The following C21orf58 variants were observed in gnomAD, a reference collection of about 807,000 sequenced individuals.
C21orf58 encodes chromosome 21 open reading frame 58.
Under a neutral mutation model 35.8 loss-of-function variants are expected in C21orf58, and 34 were observed. That is an observed-to-expected ratio of 0.95 (90% CI 0.72 to 1.26). The LOEUF is 1.26. Among genes scored for constraint, C21orf58 ranks in the 50% most tolerant of loss-of-function variants. The pLI is 0.00. For missense variants in C21orf58, 440 were observed against 414.3 expected (o/e 1.06, Z -0.54); for synonymous variants, 191 against 175.8 (o/e 1.09, Z -0.68).
chr21:46,315,553 G>A lies in C21orf58; in HGVS notation c.371-6C>T. On this transcript the variant is annotated splice_polypyrimidine_tract_variant and splice_region_variant and intron_variant, in intron 3 of 7. Coordinates refer to ENST00000291691, the MANE Select transcript of C21orf58 (RefSeq NM_058180.5). ...GTCCGGCCGGTCCTCATTTCCTGGA[G>A]GGAAGAACCTGCTTGCTTACCAAGG... 3.8e-6 allele frequency: 6 copies of A among 1,598,666 alleles called. No homozygotes were observed. In the East Asian group the frequency reaches 8.9e-5, roughly 24 times the overall value.
At chr21:46,305,098 C>T (rs2082351725) in intron 6 of C21orf58, among the ~76,000 whole-genome samples, 1 of 152,108 alleles carries the variant, frequency 6.6e-6, no homozygotes, top group Non-Finnish European at 1.5e-5. Context: ...CGGCTCCATT[C>T]ATCTGACACA....
At position 46,323,016 on chromosome 21, in the gene C21orf58, C is replaced by G. The variant is rs1266422621; in HGVS notation, c.-278G>C. The G allele has an allele frequency of 3.4e-6, 1 of 292,882 alleles. No individual in the cohort carries two copies. Among genetic ancestry groups the G allele is most frequent in the African/African-American group, 2.2e-5 (1 of 46,064 alleles). The allele number at this position is 292,882 out of a possible 1,614,324, so 18.1% of individuals were successfully genotyped here. ...GAAACCCAGAAACCAGACTTGGACA[C>G]ATGAAATAAAGGGGTTAGCTGAAGG... On this transcript the variant is annotated 5_prime_UTR_variant, in exon 1 of 8. It removes an upstream start codon present in the reference 5' UTR. Transcript: ENST00000291691.
intron 5 of C21orf58, among the ~76,000 whole-genome samples, chr21:46,314,082 C>T (rs1411788098): frequency 6.6e-6 from 1 of 152,020 alleles, no homozygotes; most frequent in Non-Finnish European, 1.5e-5. Context: ...TTACCTTTAA[C>T]ATTCTGCCCT....
At chr21:46,312,358 G>A (rs1030750924) in intron 5 of C21orf58, among the ~76,000 whole-genome samples, 29 of 152,036 alleles carry the variant, frequency 1.9e-4, no homozygotes, top group African/African-American at 6.3e-4. Flanking sequence ...TGCTCTTGTC[G>A]CCCAGGCTGG....
chr21:46,311,402 C>T, intron 6 of C21orf58, 54 bp downstream of exon 6: 1 of 1,075,604 alleles, frequency 9.3e-7, no homozygotes, highest in Non-Finnish European at 1.3e-6. Context: ...GAACATTTTC[C>T]CTTTCAGTAG....
rs1276292302 is a variant in C21orf58 at position 46,311,127 on chromosome 21, C to T, written c.721+329G>A. ...CCTCAGGTAATCCACCCGCCTCAGCCTCCCAGTGTTGGGATTACAAGCGTG... is the reference window on the plus strand; with the variant it reads ...CCTCAGGTAATCCACCCGCCTCAGCTTCCCAGTGTTGGGATTACAAGCGTG... On this transcript the variant is annotated intron_variant, in intron 6 of 7. Coordinates refer to ENST00000291691, the MANE Select transcript of C21orf58 (RefSeq NM_058180.5). 1.3e-5 allele frequency among the ~76,000 whole-genome samples: 2 copies of T among 152,104 alleles called. 1 individual carries two copies. Among genetic ancestry groups the T allele is most frequent in the Non-Finnish European group, 2.9e-5 (2 of 68,026 alleles).
chr21:46,310,325 A>G (rs1018063805), intron 6 of C21orf58, among the ~76,000 whole-genome samples: 1 of 151,748 alleles, frequency 6.6e-6, no homozygotes, highest in East Asian at 1.9e-4. Flanking sequence ...CAAAAATACA[A>G]CAAAATAGCT....
intron 5 of C21orf58, among the ~76,000 whole-genome samples, chr21:46,311,818 CCCATCCACCCAT>C (rs2082720682): frequency 6.9e-6 from 1 of 144,622 alleles, no homozygotes; most frequent in African/African-American, 2.5e-5. Flanking sequence ...CATCCACCCA[CCCATCCACCCAT>C]CCAACCAACC....
At chr21:46,312,269 C>A (rs2082764449) in intron 5 of C21orf58, among the ~76,000 whole-genome samples, 1 of 152,150 alleles carries the variant, frequency 6.6e-6, no homozygotes, top group Non-Finnish European at 1.5e-5. Flanking sequence ...TGGGCTGAGG[C>A]CTGGTTCCAC....
At chr21:46,317,680 C>T (rs2083022904) in intron 2 of C21orf58, among the ~76,000 whole-genome samples, 1 of 152,240 alleles carries the variant, frequency 6.6e-6, no homozygotes. Flanking sequence ...GCCTGTGGGC[C>T]AGGATGCAGG....
chr21:46,301,191 T>C lies in C21orf58; in HGVS notation c.*808A>G, dbSNP rs377177348. 61 of 598,284 alleles carry C rather than the reference T, an allele frequency of 1.0e-4. 1 individual carries two copies. In the South Asian group the frequency reaches 3.8e-3, roughly 38 times the overall value. The allele number at this position is 598,284 out of a possible 1,614,324, so 37.1% of individuals were successfully genotyped here. A position where few individuals can be genotyped will look rare whatever the true frequency, so the allele number is the denominator to read the frequency against. ...GGGGCCTGCTCTGTGGTCCAGGCTA[T>C]AGTGCAGTGGTTCCATCAGAGCTCA... On this transcript the variant is annotated 3_prime_UTR_variant, in exon 8 of 8. Coordinates refer to ENST00000291691, the MANE Select transcript of C21orf58 (RefSeq NM_058180.5).
At chr21:46,316,700 T>C (rs188615249) in intron 3 of C21orf58, among the ~76,000 whole-genome samples, 6 of 152,352 alleles carry the variant, frequency 3.9e-5, no homozygotes, top group Non-Finnish European at 8.8e-5. Flanking sequence ...TCAGGGGACC[T>C]GGTTTGGGAT....
In C21orf58 at chr21:46,308,904, C is replaced by T. The variant is rs143162853; in HGVS notation, c.721+2552G>A. Among the ~76,000 whole-genome samples, 4 of 152,322 alleles carry T rather than the reference C, an allele frequency of 2.6e-5. No individual in the cohort carries two copies. In the East Asian group the frequency reaches 7.7e-4, roughly 29 times the overall value. On this transcript the variant is annotated intron_variant, in intron 6 of 7. Coordinates refer to ENST00000291691, the MANE Select transcript of C21orf58 (RefSeq NM_058180.5). ...ATCAGCACACTCAGCCCCCTTGCCA[C>T]GTGATGCCTCCAGACTCTGCAGAGT...
intron 6 of C21orf58, among the ~76,000 whole-genome samples, chr21:46,302,944 C>T (rs922617643): frequency 3.2e-5 from 4 of 124,416 alleles, no homozygotes; most frequent in Non-Finnish European, 5.1e-5. Flanking sequence ...CCCCGGGGCG[C>T]GCCCTGAGCC....
In C21orf58 at chr21:46,314,375, G is replaced by A. The variant is rs375482036; in HGVS notation, c.609+341C>T. Among the ~76,000 whole-genome samples, 5 of 152,240 alleles carry A rather than the reference G, an allele frequency of 3.3e-5. No homozygotes were observed. The East Asian group carries it at 9.7e-4, about 29-fold the overall frequency. On this transcript the variant is annotated intron_variant, in intron 5 of 7. Coordinates refer to ENST00000291691, the MANE Select transcript of C21orf58 (RefSeq NM_058180.5). Reference sequence around the variant, plus strand: ...GTAGAGATGTGAGCCACCGCACCCGGCCAGTGATAAAGTTCTGAGGAGTTG... The same window carrying A: ...GTAGAGATGTGAGCCACCGCACCCGACCAGTGATAAAGTTCTGAGGAGTTG...
intron 3 of C21orf58, among the ~76,000 whole-genome samples, 181 bp downstream of exon 3, chr21:46,317,027 G>A (rs1332451835): frequency 6.6e-6 from 1 of 152,218 alleles, no homozygotes; most frequent in African/African-American, 2.4e-5. Flanking sequence ...AAGGTGATAA[G>A]GAATGGGGGT....
chr21:46,303,729 ATATATATATATATATATTTTTTTTTT>A (rs2082254346), intron 6 of C21orf58, among the ~76,000 whole-genome samples: 19 of 27,188 alleles, frequency 7.0e-4, no homozygotes, highest in Middle Eastern at 0.017. Flanking sequence ...ATATATATAT[ATATATATATATATATATTTTTTTTTT>A]TTTTTTTTTT....
chr21:46,305,717 A>G (rs1601646529), intron 6 of C21orf58, among the ~76,000 whole-genome samples: 1 of 152,062 alleles, frequency 6.6e-6, no homozygotes, highest in Non-Finnish European at 1.5e-5. Context: ...AGGTGGGCGG[A>G]TCATGAGGTT....
rs2082118830 is a variant in C21orf58, at chr21:46,301,862, G to A, written c.*137C>T. ...TGCCCAGCTTCCCCAGGAGGAGCCT[G>A]CAGTCCACACTCGCGTAGCCACTCC... On this transcript the variant is annotated 3_prime_UTR_variant, in exon 8 of 8. Coordinates refer to ENST00000291691, the MANE Select transcript of C21orf58 (RefSeq NM_058180.5). 4 of 1,288,452 alleles carry A rather than the reference G, an allele frequency of 3.1e-6. No homozygotes were observed. In the East Asian group the frequency reaches 9.3e-5, roughly 30 times the overall value. 79.8% of individuals were successfully genotyped at this position (1,288,452 alleles called of 1,614,324 possible).
Sources: allele counts gnomAD v4.1 joint callset (sites outside exome capture counted in the v4.1 genomes callset), GRCh38; gene constraint gnomAD v4.1.1; transcripts MANE v1.5; gene names NCBI Gene and HGNC (gene_info 2026-07-23, HGNC 2026-07-21).